Variants in CHI3L2 observed in about 807,000 individuals in gnomAD.
The protein encoded by CHI3L2 is chitinase-3-like protein 2.
A neutral mutation model predicts 47.3 loss-of-function variants in CHI3L2; 47 were observed. The ratio of observed to expected loss-of-function variants is 0.99; its 90% CI spans 0.79 to 1.27. The LOEUF (loss-of-function observed/expected upper bound fraction) is 1.27. Ranked by LOEUF, CHI3L2 falls within the 50% of genes most tolerant of loss-of-function variation. The pLI, the probability that CHI3L2 is intolerant of heterozygous loss-of-function variation, is 0.00. For synonymous variants in CHI3L2, 198 were observed against 169.9 expected, an observed-to-expected ratio of 1.17 and a Z score of -1.28; for missense variants, 497 against 462.1, an observed-to-expected ratio of 1.08 and a Z score of -0.69.
At chr1:111,229,703 A>AAAAAAAAAAAAAAAC (rs1659650260) in intron 1 of CHI3L2, 149 bp from the exon 2 acceptor site, 1 of 1,142,710 alleles carries the variant, frequency 8.8e-7, no homozygotes, top group Non-Finnish European at 1.1e-6. Context: ...AAAAAAAAAA[A>AAAAAAAAAAAAAAAC]AAGAAACCAC....
chr1:111,227,784 G>T lies in CHI3L2; in HGVS notation c.40+15G>T, dbSNP rs965515658. On this transcript the variant is annotated intron_variant, in intron 1 of 10. Transcript: ENST00000369748. The stretch of plus-strand genomic sequence containing the variant: ...TCTCTGGGCAGGTGAGCATGGGGTT[G>T]ATAATTCAGCAGGAAATTTGGTGAG... The T allele has an allele frequency of 1.2e-6, 2 of 1,613,680 alleles. No homozygotes were observed. The highest frequency in any genetic ancestry group is 1.7e-6 in the Non-Finnish European group (2 of 1,179,644).
At chr1:111,234,580 A>G (rs574113962) in intron 4 of CHI3L2, among the ~76,000 whole-genome samples, 1 of 152,352 alleles carries the variant, frequency 6.6e-6, no homozygotes, top group Non-Finnish European at 1.5e-5. Context: ...AGACAGACAC[A>G]GAAGCCCAAG....
At chr1:111,241,183 G>T in intron 8 of CHI3L2, 144 bp from the exon 9 acceptor site, 1 of 709,602 alleles carries the variant, frequency 1.4e-6, no homozygotes, top group South Asian at 1.5e-5. Context: ...TGATATATGT[G>T]GTCATTTCTC....
At chr1:111,237,810 GGGAA>G (rs1342779331) in intron 7 of CHI3L2, among the ~76,000 whole-genome samples, 1 of 152,164 alleles carries the variant, frequency 6.6e-6, no homozygotes, top group Non-Finnish European at 1.5e-5. Context: ...AGGTCATGAT[GGGAA>G]GTTGGGTGTC....
In CHI3L2 at chr1:111,227,756, GTC is replaced by G; in HGVS notation, c.33_34del (p.Trp12GlyfsTer37). 6.2e-7 allele frequency: 1 copy of G among 1,614,240 alleles called. No homozygotes were observed. Among genetic ancestry groups the G allele is most frequent in the East Asian group, 2.2e-5 (1 of 44,886 alleles). MGATTMDQKSLWAGVVVLLL... is the reference protein window; with the variant it reads MGATTMDQKXLWAGVVVLLL... Reference sequence around the variant, plus strand: ...TGGGAGCAACCACCATGGACCAGAAGTCTCTCTGGGCAGGTGAGCATGGGGTT... The same window carrying G: ...TGGGAGCAACCACCATGGACCAGAAGTCTCTGGGCAGGTGAGCATGGGGTT... On this transcript the variant is annotated frameshift_variant, in exon 1 of 11. Coordinates refer to ENST00000369748, the MANE Select transcript of CHI3L2 (RefSeq NM_004000.3). LOFTEE classifies it high-confidence loss of function.
rs1308094797 is a variant in CHI3L2 at position 111,236,169 on chromosome 1, G to T, written c.735+16G>T. ...CTACAATGTGGTGAGTAGGCCAGGG[G>T]AACCGCAGGGGTACTGGCTGTGGGG... On this transcript the variant is annotated intron_variant, in intron 7 of 10. Transcript: ENST00000369748. The T allele has an allele frequency of 6.2e-7, 1 of 1,613,686 alleles. No individual in the cohort carries two copies.
chr1:111,233,875 T>C (rs552850811), intron 4 of CHI3L2, among the ~76,000 whole-genome samples: 4 of 152,326 alleles, frequency 2.6e-5, no homozygotes, highest in African/African-American at 9.6e-5. Context: ...TGGGATCCTG[T>C]TGATCGGTGA....
intron 9 of CHI3L2, among the ~76,000 whole-genome samples, 168 bp downstream of exon 9, chr1:111,241,611 C>T (rs960617779): frequency 5.3e-5 from 8 of 152,176 alleles, no homozygotes; most frequent in African/African-American, 7.2e-5. Context: ...GTCACACCCG[C>T]GAGCAGCTGT....
At chr1:111,239,083 GT>G (rs1659972602) in intron 8 of CHI3L2, 151 bp downstream of exon 8, 1 of 737,996 alleles carries the variant, frequency 1.4e-6, no homozygotes, top group African/African-American at 1.8e-5. Flanking sequence ...CTAACTCTGG[GT>G]TGGGAGAGGG....
At chr1:111,227,886 G>T in intron 1 of CHI3L2, 117 bp downstream of exon 1, 1 of 1,075,142 alleles carries the variant, frequency 9.3e-7, no homozygotes. Flanking sequence ...GTTGACCTTA[G>T]TGTCAAAAAA....
At position 111,235,074 on chromosome 1, in the gene CHI3L2, G is replaced by C; in HGVS notation, c.480+17G>C. 1.2e-6 allele frequency: 2 copies of C among 1,612,102 alleles called. No homozygotes were observed. The highest frequency in any genetic ancestry group is 1.7e-6 in the Non-Finnish European group (2 of 1,179,338). ...CTGATTCATGTAAGTCATGAATCAA[G>C]TAATTCATGTGAGTCAGATGCCACG... On this transcript the variant is annotated intron_variant, in intron 5 of 10. Coordinates refer to ENST00000369748, the MANE Select transcript of CHI3L2 (RefSeq NM_004000.3).
rs139129486 is a variant in CHI3L2, at chr1:111,236,729, T to C, written c.735+576T>C. On this transcript the variant is annotated intron_variant, in intron 7 of 10. Coordinates refer to ENST00000369748, the MANE Select transcript of CHI3L2 (RefSeq NM_004000.3). ...CACCCAATGGGTTCTCCTTGCCCATTGATTTATCAAGATAGGAGAATTGCA... is the reference window on the plus strand; with the variant it reads ...CACCCAATGGGTTCTCCTTGCCCATCGATTTATCAAGATAGGAGAATTGCA... Among the ~76,000 whole-genome samples, 977 of 152,314 alleles carry C rather than the reference T, an allele frequency of 6.4e-3. 5 individuals are homozygous for C. Among genetic ancestry groups the C allele is most frequent in the African/African-American group, 0.022 (896 of 41,556 alleles).
intron 7 of CHI3L2, among the ~76,000 whole-genome samples, chr1:111,238,028 T>G (rs547649415): frequency 8.5e-5 from 13 of 152,340 alleles, no homozygotes; most frequent in Admixed American, 8.5e-4. Flanking sequence ...CTCCAGGCCT[T>G]TACATAATAA....
chr1:111,231,022 C>A, intron 3 of CHI3L2, 79 bp downstream of exon 3: 1 of 1,143,554 alleles, frequency 8.7e-7, no homozygotes, highest in Non-Finnish European at 1.3e-6. Context: ...CTAAGACATA[C>A]TATCTCATTC....
At chr1:111,238,261 A>G (rs1046116044) in intron 7 of CHI3L2, among the ~76,000 whole-genome samples, 1 of 152,164 alleles carries the variant, frequency 6.6e-6, no homozygotes, top group African/African-American at 2.4e-5. Context: ...GCCATTCGTC[A>G]CTCATATTTG....
chr1:111,236,082 C>T lies in CHI3L2; in HGVS notation c.664C>T (p.Leu222Phe). The T allele has an allele frequency of 3.1e-6, 5 of 1,614,176 alleles. No homozygotes were observed. The highest frequency in any genetic ancestry group is 4.2e-6 in the Non-Finnish European group (5 of 1,180,034). The change falls in exon 7 of 11, where the codon CTT (leucine) becomes TTT (phenylalanine). Residue 222 changes from leucine to phenylalanine, a missense_variant. Physicochemically the swap from Leu to Phe is conservative, Grantham distance 22. Coordinates refer to ENST00000369748, the MANE Select transcript of CHI3L2 (RefSeq NM_004000.3). ...CTTCCATGGGTCTTGGGAAAAGCCC[C>T]TTATCACTGGCCACAACAGCCCTCT... ...FDFHGSWEKP[L>F]ITGHNSPLSK...
At chr1:111,240,094 T>C (rs1660002704) in intron 8 of CHI3L2, among the ~76,000 whole-genome samples, 1 of 152,126 alleles carries the variant, frequency 6.6e-6, no homozygotes, top group Admixed American at 6.5e-5. Context: ...AAGTTTATGC[T>C]GGGCCTTGAA....
At chr1:111,227,969 A>G (rs2147790) in intron 1 of CHI3L2, among the ~76,000 whole-genome samples, 200 bp downstream of exon 1, 17,449 of 152,278 alleles carry the variant, frequency 0.11, 1,351 homozygotes, top group Admixed American at 0.2. Context: ...AGCAGTAGCC[A>G]GAACCCTTTG....
At chr1:111,241,002 TA>T (rs1660037061) in intron 8 of CHI3L2, among the ~76,000 whole-genome samples, 1 of 152,238 alleles carries the variant, frequency 6.6e-6, no homozygotes, top group Admixed American at 6.5e-5. Flanking sequence ...TTGAAAGCAT[TA>T]TTATAATTAT....
Sources: allele counts gnomAD v4.1 joint callset (sites outside exome capture counted in the v4.1 genomes callset), GRCh38; gene constraint gnomAD v4.1.1; transcripts MANE v1.5; gene names NCBI Gene and HGNC (gene_info 2026-07-23, HGNC 2026-07-21).